The following BBX variants were observed in gnomAD, a reference collection of about 807,000 sequenced individuals.
BBX encodes BBX high mobility group box domain containing, also known as HMG box transcription factor BBX.
Under a neutral mutation model 100.2 loss-of-function variants are expected in BBX, and 30 were observed. That is an observed-to-expected ratio of 0.30 (90% CI 0.22 to 0.41). The LOEUF (loss-of-function observed/expected upper bound fraction) is 0.41, where lower values mean the gene tolerates loss of function less well. Ranked by LOEUF, BBX falls within the 10% of genes least tolerant of loss-of-function variation. The pLI is 1.00. For missense variants in BBX, 1,023 were observed against 1,129.8 expected, an observed-to-expected ratio of 0.91 and a Z score of 1.35; for synonymous variants, 376 against 388.1, an observed-to-expected ratio of 0.97 and a Z score of 0.37.
At position 107,581,106 on chromosome 3, in the gene BBX, A is replaced by G. The variant is rs1033927537; in HGVS notation, c.-84+54708A>G. 3.3e-5 allele frequency among the ~76,000 whole-genome samples: 5 copies of G among 152,164 alleles called. No individual in the cohort carries two copies. The East Asian group carries it at 7.7e-4, about 23-fold the overall frequency. ...CTTGAATGAGTTTTGCTTAAAGACAATCTTGTATTTAACTAGGAGCAAATT... is the reference window on the plus strand; with the variant it reads ...CTTGAATGAGTTTTGCTTAAAGACAGTCTTGTATTTAACTAGGAGCAAATT... On this transcript the variant is annotated intron_variant, in intron 2 of 17. Coordinates refer to ENST00000325805, the MANE Select transcript of BBX (RefSeq NM_001142568.3).
chr3:107,804,213 T>A (rs1293110075), intron 17 of BBX, among the ~76,000 whole-genome samples: 1 of 152,220 alleles, frequency 6.6e-6, no homozygotes, highest in Non-Finnish European at 1.5e-5. Flanking sequence ...GCAATTTGTC[T>A]ACATTATTTT....
At chr3:107,772,576 G>A (rs1158195879) in intron 10 of BBX, 52 bp from the exon 11 acceptor site, 2 of 1,490,774 alleles carry the variant, frequency 1.3e-6, no homozygotes, top group Admixed American at 2.4e-5. Context: ...TTTTGAAGGT[G>A]GAATAATAAG....
intron 13 of BBX, among the ~76,000 whole-genome samples, chr3:107,781,198 G>A (rs1156454258): frequency 6.6e-6 from 1 of 151,862 alleles, no homozygotes; most frequent in African/African-American, 2.4e-5. Flanking sequence ...TTTCCCAGTA[G>A]TCTCCATATT....
chr3:107,640,487 C>T (rs568364205), intron 2 of BBX, among the ~76,000 whole-genome samples: 7 of 152,200 alleles, frequency 4.6e-5, no homozygotes, highest in African/African-American at 1.7e-4. Flanking sequence ...TTTTATTCGT[C>T]TCCTGTGTAG....
At chr3:107,691,926 G>C (rs1440986479) in intron 3 of BBX, among the ~76,000 whole-genome samples, 1 of 151,840 alleles carries the variant, frequency 6.6e-6, no homozygotes, top group African/African-American at 2.4e-5. Flanking sequence ...TTTTGCTTTT[G>C]AGAAAAATAT....
intron 16 of BBX, among the ~76,000 whole-genome samples, chr3:107,800,255 C>A (rs184100561): frequency 6.6e-6 from 1 of 152,182 alleles, no homozygotes; most frequent in African/African-American, 2.4e-5. Flanking sequence ...TCTGTCCAAT[C>A]TGAGTTCTGT....
At chr3:107,755,449 A>C in intron 9 of BBX, 149 bp from the exon 10 acceptor site, 1 of 580,914 alleles carries the variant, frequency 1.7e-6, no homozygotes, top group Non-Finnish European at 3.0e-6. Flanking sequence ...TCTCAAAATG[A>C]TCATCCCAAA....
At chr3:107,684,455 C>G (rs2059731759) in intron 3 of BBX, 1 of 152,012 alleles carries the variant, frequency 6.6e-6, no homozygotes, top group Non-Finnish European at 1.5e-5. Context: ...TAATAATGTC[C>G]AACAATGTCT....
chr3:107,643,584 G>T (rs964458454), intron 2 of BBX, among the ~76,000 whole-genome samples: 5 of 152,056 alleles, frequency 3.3e-5, no homozygotes, highest in Non-Finnish European at 7.4e-5. Context: ...GTACCAGGTG[G>T]CTCAGATGAA....
chr3:107,801,371 G>A, intron 17 of BBX, 90 bp downstream of exon 17: 1 of 1,421,668 alleles, frequency 7.0e-7, no homozygotes, highest in African/African-American at 1.4e-5. Flanking sequence ...AGGGCATTGG[G>A]GTTCAAACTT....
intron 15 of BBX, among the ~76,000 whole-genome samples, chr3:107,793,538 C>G (rs79683978): frequency 1.4e-3 from 208 of 152,184 alleles, no homozygotes; most frequent in Non-Finnish European, 2.5e-3. Context: ...TGACTATGTG[C>G]TTTGTGAGTT....
chr3:107,699,436 G>A (rs1369387503), intron 3 of BBX, among the ~76,000 whole-genome samples: 1 of 151,914 alleles, frequency 6.6e-6, no homozygotes. Context: ...ATGTTTATGT[G>A]AAGGAAGGAA....
At chr3:107,618,666 G>A (rs1035816689) in intron 2 of BBX, among the ~76,000 whole-genome samples, 2 of 151,800 alleles carry the variant, frequency 1.3e-5, no homozygotes, top group African/African-American at 2.4e-5. Flanking sequence ...CTATAAGTAC[G>A]TTGTTTAGTT....
intron 17 of BBX, among the ~76,000 whole-genome samples, chr3:107,802,678 G>T (rs534589127): frequency 6.6e-6 from 1 of 152,208 alleles, no homozygotes; most frequent in African/African-American, 2.4e-5. Flanking sequence ...TGTTCTAAGC[G>T]TGGTCACACC....
In BBX at chr3:107,773,038, G is replaced by T. The variant is rs1343462530; in HGVS notation, c.1317G>T (p.Glu439Asp). The T allele has an allele frequency of 5.0e-6, 8 of 1,613,790 alleles. No homozygotes were observed. The Admixed American group carries it at 1.3e-4, about 27-fold the overall frequency. ...MCHPHGIMII[E>D]DPAALNKPEK... is the part of the protein sequence containing the mutation. ...ATCCTCATGGAATTATGATCATTGA[G>T]GATCCCGCAGCATTAAACAAGCCAG... The change falls in exon 11 of 18, where the codon GAG becomes GAT. Residue 439 changes from glutamate (E) to aspartate (D), a missense_variant. Transcript: ENST00000325805. The surrounding 1 kb of genome is among the most constrained non-coding windows in gnomAD (Gnocchi z 4.1).
chr3:107,563,708 T>G (rs190826935), intron 2 of BBX, among the ~76,000 whole-genome samples: 25 of 152,364 alleles, frequency 1.6e-4, no homozygotes, highest in Admixed American at 1.5e-3. Context: ...TGTTTGCTGT[T>G]TTACATGTTT....
At chr3:107,645,059 A>G (rs893525754) in intron 2 of BBX, among the ~76,000 whole-genome samples, 2 of 152,188 alleles carry the variant, frequency 1.3e-5, no homozygotes, top group Non-Finnish European at 2.9e-5. Flanking sequence ...ATATATTGTC[A>G]TAATCTGCCT....
At position 107,584,142 on chromosome 3, in the gene BBX, T is replaced by A. The variant is rs13092043; in HGVS notation, c.-84+57744T>A. Among the ~76,000 whole-genome samples the A allele has an allele frequency of 5.8e-4, 11 of 18,962 alleles. 1 individual carries two copies. The highest frequency in any genetic ancestry group is 9.1e-4 in the African/African-American group (4 of 4,374). The allele number at this position is 18,962 out of a possible 152,430, so 12.4% of individuals were successfully genotyped here. A position where few individuals can be genotyped will look rare whatever the true frequency, so the allele number is the denominator to read the frequency against. ...ATAATATATATATTATTATATATATTATATATAATATATGATATATATATT... is the reference window on the plus strand; with the variant it reads ...ATAATATATATATTATTATATATATAATATATAATATATGATATATATATT... On this transcript the variant is annotated intron_variant, in intron 2 of 17. Transcript: ENST00000325805.
intron 1 of BBX, 111 bp downstream of exon 1, chr3:107,523,218 AGCGGCGGCGGCGGCG>A (rs3833481): frequency 9.2e-5 from 20 of 218,038 alleles, no homozygotes; most frequent in East Asian, 1.4e-4. Context: ...CGGCAGGAGC[AGCGGCGGCGGCGGCG>A]GCGGCGGCGG....
Sources: gnomAD v4.1 joint callset for allele counts (sites outside exome capture counted in the v4.1 genomes callset) on GRCh38, gnomAD v4.1.1 for gene constraint, Gnocchi (gnomAD v3.1) non-coding constraint, MANE v1.5 for transcripts, NCBI Gene and HGNC (gene_info 2026-07-23, HGNC 2026-07-21) for gene names.